The following CEP250 variants were observed in gnomAD, a reference collection of about 807,000 sequenced individuals.
The protein encoded by CEP250 is centrosome-associated protein CEP250.
A neutral mutation model predicts 315.7 loss-of-function variants in CEP250; 242 were observed. The observed-to-expected ratio is 0.77, with a 90% CI of 0.69 to 0.85. CEP250 has a LOEUF of 0.85. Ranked by LOEUF, CEP250 falls within the 40% of genes least tolerant of loss-of-function variation. The probability of loss-of-function intolerance (pLI) is 0.00; values close to 1 mark genes in which losing one functional copy is unlikely to be tolerated. For missense variants in CEP250, 2,515 were observed against 2,886.4 expected, an observed-to-expected ratio of 0.87 and a Z score of 2.95; for synonymous variants, 1,088 against 1,175.0, an observed-to-expected ratio of 0.93 and a Z score of 1.51.
At position 35,511,730 on chromosome 20, in the gene CEP250, C is replaced by T. The variant is rs963883517; in HGVS notation, c.*104C>T. The T allele has an allele frequency of 4.8e-6, 7 of 1,455,428 alleles. No individual in the cohort carries two copies. The Admixed American group carries it at 1.9e-4, about 39-fold the overall frequency. The allele number at this position is 1,455,428 out of a possible 1,614,324, so 90.2% of individuals were successfully genotyped here. A position where few individuals can be genotyped will look rare whatever the true frequency, so the allele number is the denominator to read the frequency against. ...GGAAAAGCCTGGCTCTGTTAGGCAC[C>T]CAGGAGCCCCAGGTCGGCGGGTGTT... On this transcript the variant is annotated 3_prime_UTR_variant, in exon 35 of 35. Coordinates refer to ENST00000397527, the MANE Select transcript of CEP250 (RefSeq NM_007186.6).
chr20:35,504,610 G>A lies in CEP250; in HGVS notation c.6241G>A (p.Gly2081Arg). ...ENMIQEKQNL[G>R]QEREEEEIRG... Reference sequence around the variant, plus strand: ...TATGATCCAAGAGAAGCAGAATCTGGGGCAAGAGAGAGAAGAGGAGGAGAT... The same window carrying A: ...TATGATCCAAGAGAAGCAGAATCTGAGGCAAGAGAGAGAAGAGGAGGAGAT... Residue 2081 changes from glycine to arginine, a missense_variant, in exon 30 of 35, where the codon GGG (glycine) becomes AGG (arginine). Coordinates refer to ENST00000397527, the MANE Select transcript of CEP250 (RefSeq NM_007186.6). 6.2e-7 allele frequency: 1 copy of A among 1,614,156 alleles called. No individual in the cohort carries two copies.
chr20:35,482,474 C>T (rs538479659), intron 20 of CEP250, among the ~76,000 whole-genome samples: 1 of 152,064 alleles, frequency 6.6e-6, no homozygotes, highest in Admixed American at 6.5e-5. Flanking sequence ...CTCCTGACCT[C>T]ATGATCCACC....
chr20:35,479,507 T>C, intron 18 of CEP250, 83 bp downstream of exon 18: 2 of 1,541,858 alleles, frequency 1.3e-6, no homozygotes, highest in Non-Finnish European at 1.8e-6. Context: ...GCCATAAGTA[T>C]GCAGGTCCTA....
intron 1 of CEP250, among the ~76,000 whole-genome samples, chr20:35,457,998 T>C (rs2062670119): frequency 6.6e-6 from 1 of 152,222 alleles, no homozygotes; most frequent in Admixed American, 6.5e-5. Flanking sequence ...AGCTGCATGC[T>C]AATTTGTTTT....
Position 35,472,169 on chromosome 20 carries a change from G to A in CEP250, c.1050+18G>A, listed in dbSNP as rs534828286. On this transcript the variant is annotated intron_variant, in intron 11 of 34. Coordinates refer to ENST00000397527, the MANE Select transcript of CEP250 (RefSeq NM_007186.6). ...TAACCCAGGTACTGGGAAGCCTCCT[G>A]TTCATGGTAACCAGGTTATGCCTCC... 2.0e-6 allele frequency: 3 copies of A among 1,473,054 alleles called. No individual in the cohort carries two copies. Among genetic ancestry groups the A allele is most frequent in the East Asian group, 2.3e-5 (1 of 44,200 alleles). The allele number at this position is 1,473,054 out of a possible 1,614,324, so 91.2% of individuals were successfully genotyped here. A position where few individuals can be genotyped will look rare whatever the true frequency, so the allele number is the denominator to read the frequency against.
Position 35,505,018 on chromosome 20 carries a change from A to G in CEP250, c.6636+13A>G, listed in dbSNP as rs373647003. On this transcript the variant is annotated intron_variant, in intron 30 of 34. Coordinates refer to ENST00000397527, the MANE Select transcript of CEP250 (RefSeq NM_007186.6). ...GCAAAGGCTGCAGGTAAGTCACTCC[A>G]TGGGGAGTAAGGGCCAGGGGACACA... 4.2e-5 allele frequency: 67 copies of G among 1,584,416 alleles called. No individual in the cohort carries two copies. Among genetic ancestry groups the G allele is most frequent in the Non-Finnish European group, 5.8e-5 (67 of 1,162,930 alleles).
At chr20:35,509,824 C>T (rs959052717) in intron 33 of CEP250, among the ~76,000 whole-genome samples, 174 bp from the exon 34 acceptor site, 6 of 152,252 alleles carry the variant, frequency 3.9e-5, no homozygotes, top group African/African-American at 7.2e-5. Flanking sequence ...GGTGTGGGGC[C>T]TCTCCTTGCT....
Position 35,493,513 on chromosome 20 carries a change from G to C in CEP250, c.2974G>C (p.Ala992Pro). Residue 992 changes from alanine to proline, a missense_variant, in exon 23 of 35, where the codon GCT (alanine) becomes CCT (proline). By Grantham distance (27) the Ala-to-Pro change is conservative. Transcript: ENST00000397527. Reference protein sequence around the residue: ...EAARQHRDDLAALQEESSSLL... With the variant: ...EAARQHRDDLPALQEESSSLL... ...AGCCCGGCAGCACAGAGATGACCTT[G>C]CTGCCCTCCAAGAAGAGAGCAGCTC... 6.2e-7 allele frequency: 1 copy of C among 1,609,000 alleles called. No homozygotes were observed. The highest frequency in any genetic ancestry group is 8.5e-7 in the Non-Finnish European group (1 of 1,177,938).
chr20:35,501,710 G>A, intron 28 of CEP250, 135 bp from the exon 29 acceptor site: 1 of 960,766 alleles, frequency 1.0e-6, no homozygotes, highest in Non-Finnish European at 1.5e-6. Context: ...TAGGACACTG[G>A]ATATAATTTT....
At chr20:35,488,582 G>T (rs1228013482) in intron 20 of CEP250, among the ~76,000 whole-genome samples, 1 of 152,058 alleles carries the variant, frequency 6.6e-6, no homozygotes, top group Non-Finnish European at 1.5e-5. Context: ...TCCTACCTCA[G>T]CCTCCCAAGT....
rs1253129241 is a variant in CEP250, at chr20:35,518,560, C to T, written c.*6934C>T. 1 of 152,026 alleles carries T rather than the reference C, an allele frequency of 6.6e-6. No individual in the cohort carries two copies. Among genetic ancestry groups the T allele is most frequent in the Non-Finnish European group, 1.5e-5 (1 of 68,006 alleles). The allele number at this position is 152,026 out of a possible 1,614,324, so 9.4% of individuals were successfully genotyped here. ...AGTAAGGGGTTGAGGTAATAGCCAC[C>T]GCCAGTTTTCCCTTTCTCTTTGAGT... On this transcript the variant is annotated 3_prime_UTR_variant, in exon 35 of 35. Coordinates refer to ENST00000397527, the MANE Select transcript of CEP250 (RefSeq NM_007186.6).
At chr20:35,498,847 C>T in intron 27 of CEP250, 131 bp downstream of exon 27, 1 of 1,075,576 alleles carries the variant, frequency 9.3e-7, no homozygotes, top group Non-Finnish European at 1.3e-6. Flanking sequence ...CTATCACTTA[C>T]CACCTGGCAA....
At chr20:35,466,586 C>G (rs1329374763) in intron 7 of CEP250, among the ~76,000 whole-genome samples, 1 of 152,112 alleles carries the variant, frequency 6.6e-6, no homozygotes, top group Non-Finnish European at 1.5e-5. Context: ...GTTATGGGCC[C>G]TGGGGAATTT....
chr20:35,511,964 C>G lies in CEP250; in HGVS notation c.*338C>G. 2 of 1,092,404 alleles carry G rather than the reference C, an allele frequency of 1.8e-6. No homozygotes were observed. Among genetic ancestry groups the G allele is most frequent in the Non-Finnish European group, 1.1e-6 (1 of 898,714 alleles). 67.7% of individuals were successfully genotyped at this position (1,092,404 alleles called of 1,614,324 possible). A position where few individuals can be genotyped will look rare whatever the true frequency, so the allele number is the denominator to read the frequency against. On this transcript the variant is annotated 3_prime_UTR_variant, in exon 35 of 35. Coordinates refer to ENST00000397527, the MANE Select transcript of CEP250 (RefSeq NM_007186.6). ...CTCCTTCAACAATAAACCCTGGGAT[C>G]TTTGCATTCATTTTCTGCTGCTGTC... is the stretch of plus-strand genomic sequence containing the variant.
intron 22 of CEP250, among the ~76,000 whole-genome samples, 196 bp downstream of exon 22, chr20:35,491,542 G>C (rs2063694944): frequency 6.6e-6 from 1 of 152,118 alleles, no homozygotes; most frequent in South Asian, 2.1e-4. Flanking sequence ...GCCAAGGTGG[G>C]TGGATCACCT....
intron 8 of CEP250, 107 bp downstream of exon 8, chr20:35,467,179 G>GGGGGGGGCCGCCCC: frequency 1.9e-6 from 1 of 534,910 alleles, no homozygotes; most frequent in Non-Finnish European, 3.5e-6. Context: ...GGTGGGTGGG[G>GGGGGGGGCCGCCCC]GAGTTGGTAG....
intron 28 of CEP250, among the ~76,000 whole-genome samples, 174 bp from the exon 29 acceptor site, chr20:35,501,671 C>T (rs1485744228): frequency 1.3e-5 from 2 of 152,188 alleles, no homozygotes; most frequent in East Asian, 1.9e-4. Context: ...CAGCTGGCAT[C>T]TGCCAGCTCT....
At chr20:35,457,769 A>C (rs143025144) in intron 1 of CEP250, among the ~76,000 whole-genome samples, 6,646 of 152,266 alleles carry the variant, frequency 0.044, 219 homozygotes, top group Middle Eastern at 0.11. Context: ...AGTGCACTAC[A>C]GCCTGGGTAA....
At position 35,463,605 on chromosome 20, in the gene CEP250, C is replaced by T. The variant is rs777468512; in HGVS notation, c.217C>T (p.Leu73=). 4.0e-5 allele frequency: 64 copies of T among 1,609,402 alleles called. No individual in the cohort carries two copies. Among genetic ancestry groups the T allele is most frequent in the Non-Finnish European group, 6.8e-6 (8 of 1,177,766 alleles). ...VLQYRSWCQE[L]EKRLEATGGP... Reference sequence around the variant, plus strand: ...GCAGTACCGAAGCTGGTGCCAAGAGCTGGAGAAGCGGCTAGAAGCCACTGG... The same window carrying T: ...GCAGTACCGAAGCTGGTGCCAAGAGTTGGAGAAGCGGCTAGAAGCCACTGG... The change falls in exon 5 of 35, where the codon CTG becomes TTG. Residue 73 remains leucine, a synonymous_variant. Coordinates refer to ENST00000397527, the MANE Select transcript of CEP250 (RefSeq NM_007186.6).
Sources: allele counts gnomAD v4.1 joint callset (sites outside exome capture counted in the v4.1 genomes callset), GRCh38; gene constraint gnomAD v4.1.1; transcripts MANE v1.5; gene names NCBI Gene and HGNC (gene_info 2026-07-23, HGNC 2026-07-21).